MAPKBP1: variants seen among roughly 807,000 people sequenced by gnomAD.
The protein encoded by MAPKBP1 is mitogen-activated protein kinase-binding protein 1.
Under a neutral mutation model 170.5 loss-of-function variants are expected in MAPKBP1, and 71 were observed. The observed-to-expected ratio is 0.42, with a 90% confidence interval of 0.34 to 0.51. The LOEUF (loss-of-function observed/expected upper bound fraction) is 0.51. Ranked by LOEUF, MAPKBP1 falls within the 20% of genes least tolerant of loss-of-function variation. The pLI, the probability that MAPKBP1 is intolerant of heterozygous loss-of-function variation, is 0.06. For synonymous variants in MAPKBP1, 719 were observed against 757.9 expected (o/e 0.95, Z 0.84); for missense variants, 1,598 against 1,933.0 (o/e 0.83, Z 3.25).
intron 2 of MAPKBP1, among the ~76,000 whole-genome samples, chr15:41,786,783 T>A (rs200952026): frequency 0.024 from 1,492 of 61,676 alleles, 69 homozygotes; most frequent in African/African-American, 0.047. Flanking sequence ...AAAAAATATA[T>A]ATATATATAT....
rs1436762043 is a variant in MAPKBP1, at chr15:41,825,304, G to C, written c.4395G>C (p.Val1465=). 3 of 1,613,064 alleles carry C rather than the reference G, an allele frequency of 1.9e-6. No homozygotes were observed. The African/African-American group carries it at 4.0e-5, about 22-fold the overall frequency. Residue 1465 remains valine, a synonymous_variant, in exon 31 of 31, where the codon GTG becomes GTC. Coordinates refer to ENST00000457542, the MANE Select transcript of MAPKBP1 (RefSeq NM_014994.3). ...CAGTGCGACAGGAGCTGGAAGCTGTGGCTGGGGCAGTGCTGTCCAGCCCAG... is the reference window on the plus strand; with the variant it reads ...CAGTGCGACAGGAGCTGGAAGCTGTCGCTGGGGCAGTGCTGTCCAGCCCAG... ...FSSVRQELEA[V]AGAVLSSPGS...
At chr15:41,774,844 C>T in intron 1 of MAPKBP1, 1 of 401,024 alleles carries the variant, frequency 2.5e-6, no homozygotes, top group Non-Finnish European at 4.4e-6. Flanking sequence ...GTCTCGGCGG[C>T]CTCCTCCCTT....
rs758800211 is a variant in MAPKBP1, at chr15:41,775,236, G to A, written c.-40G>A. 7 of 1,542,586 alleles carry A rather than the reference G, an allele frequency of 4.5e-6. No individual in the cohort carries two copies. Among genetic ancestry groups the A allele is most frequent in the Admixed American group, 1.7e-5 (1 of 59,734 alleles). On this transcript the variant is annotated 5_prime_UTR_variant, in exon 2 of 31. Transcript: ENST00000457542. ...AGTGCCGCTGTTGAGACAAGACCCAGGACTGGGCCGGGGACTGTCCCAAAG... is the reference window on the plus strand; with the variant it reads ...AGTGCCGCTGTTGAGACAAGACCCAAGACTGGGCCGGGGACTGTCCCAAAG...
chr15:41,787,364 A>C (rs1161867475), intron 2 of MAPKBP1, among the ~76,000 whole-genome samples: 1 of 104,074 alleles, frequency 9.6e-6, no homozygotes, highest in Non-Finnish European at 2.0e-5. Context: ...ATTTTATTTT[A>C]TTTATTTTTG....
At chr15:41,783,067 A>G (rs976701064) in intron 2 of MAPKBP1, among the ~76,000 whole-genome samples, 1 of 152,208 alleles carries the variant, frequency 6.6e-6, no homozygotes, top group Non-Finnish European at 1.5e-5. Context: ...CCAGATGACC[A>G]GAAGCCACAA....
chr15:41,811,802 T>C (rs2152078413), intron 5 of MAPKBP1, 155 bp from the exon 6 acceptor site: 1 of 773,588 alleles, frequency 1.3e-6, no homozygotes, highest in South Asian at 1.5e-5. Flanking sequence ...CTCAGATCTT[T>C]ATCATATTTC....
rs766553823 is a variant in MAPKBP1 at position 41,822,580 on chromosome 15, C to G, written c.3230-13C>G. ...GTTTTTGCCCCAATTCATGATTTCTCTGACCTTGGTAGGGGCCCCAGTGCA... is the reference window on the plus strand; with the variant it reads ...GTTTTTGCCCCAATTCATGATTTCTGTGACCTTGGTAGGGGCCCCAGTGCA... On this transcript the variant is annotated splice_polypyrimidine_tract_variant and intron_variant, in intron 26 of 30. Transcript: ENST00000457542. 1.2e-6 allele frequency: 2 copies of G among 1,613,516 alleles called. No homozygotes were observed. Among genetic ancestry groups the G allele is most frequent in the South Asian group, 2.2e-5 (2 of 91,060 alleles).
rs763636089 is a variant in MAPKBP1, at chr15:41,818,280, C to T, written c.2067C>T (p.Cys689=). 2.4e-5 allele frequency: 38 copies of T among 1,613,890 alleles called. No individual in the cohort carries two copies. Among genetic ancestry groups the T allele is most frequent in the African/African-American group, 1.5e-4 (11 of 74,904 alleles). Residue 689 remains cysteine (C), a synonymous_variant, in exon 18 of 31, where the codon TGC becomes TGT. Coordinates refer to ENST00000457542, the MANE Select transcript of MAPKBP1 (RefSeq NM_014994.3). The surrounding 1 kb of genome is among the most constrained non-coding windows in gnomAD (Gnocchi z 5.2). ...TTTTTGACTTCTCCTCAGGCGAGTG[C>T]GTGGCCACCATGTTTGGCCACTCAG... ...LSIFDFSSGE[C]VATMFGHSEI... is the part of the protein sequence containing the mutation.
chr15:41,821,563 C>G, intron 23 of MAPKBP1, 21 bp from the exon 24 acceptor site: 1 of 1,609,110 alleles, frequency 6.2e-7, no homozygotes, highest in Non-Finnish European at 8.5e-7. Context: ...GCTCTGTTAA[C>G]ATCCCTTTGT....
Position 41,786,777 on chromosome 15 carries a change from A to AAAAAAAAAAATAT in MAPKBP1, c.114+11389_114+11390insAAAAAAAAATATA. 4.6e-3 allele frequency among the ~76,000 whole-genome samples: 149 copies of AAAAAAAAAAATAT among 32,414 alleles called. 1 individual carries two copies. Among genetic ancestry groups the AAAAAAAAAAATAT allele is most frequent in the Non-Finnish European group, 7.0e-3 (126 of 17,988 alleles). The allele number at this position is 32,414 out of a possible 152,430, so 21.3% of individuals were successfully genotyped here. A position where few individuals can be genotyped will look rare whatever the true frequency, so the allele number is the denominator to read the frequency against. ...CAGACTCCGTCTAAAAAAAAAAAAA[A>AAAAAAAAAAATAT]ATATATATATATATATATATATATA... On this transcript the variant is annotated intron_variant, in intron 2 of 30. Transcript: ENST00000457542.
chr15:41,819,554 G>GGT lies in MAPKBP1; in HGVS notation c.2426-40_2426-39insTG, dbSNP rs1555454076. On this transcript the variant is annotated intron_variant, in intron 21 of 30. Coordinates refer to ENST00000457542, the MANE Select transcript of MAPKBP1 (RefSeq NM_014994.3). The stretch of plus-strand genomic sequence containing the variant: ...GGCTCCAGGGTTGGGTGGCGGGGGG[G>GGT]GGGCAGGAGACACTTCCTCTGACTG... 1.5e-5 allele frequency: 22 copies of GGT among 1,495,356 alleles called. 1 individual carries two copies. The African/African-American group carries it at 2.3e-4, about 15-fold the overall frequency. The allele number at this position is 1,495,356 out of a possible 1,614,324, so 92.6% of individuals were successfully genotyped here.
chr15:41,776,379 A>G (rs2064098380), intron 2 of MAPKBP1, among the ~76,000 whole-genome samples: 1 of 152,210 alleles, frequency 6.6e-6, no homozygotes, highest in Non-Finnish European at 1.5e-5. Context: ...GGGTTCTGGG[A>G]GGACTTAGTT....
chr15:41,781,066 CTT>C (rs5812203), intron 2 of MAPKBP1, among the ~76,000 whole-genome samples: 28 of 144,408 alleles, frequency 1.9e-4, no homozygotes, highest in Admixed American at 3.5e-4. Flanking sequence ...TTTTTTTTTG[CTT>C]TTTTTTTTTT....
chr15:41,799,524 T>C (rs1177379487), intron 2 of MAPKBP1, among the ~76,000 whole-genome samples: 1 of 152,154 alleles, frequency 6.6e-6, no homozygotes, highest in East Asian at 1.9e-4. Context: ...CTTCCTGGTT[T>C]TGGGGAATGC....
intron 2 of MAPKBP1, among the ~76,000 whole-genome samples, chr15:41,786,400 T>A (rs973785766): frequency 9.2e-5 from 14 of 152,184 alleles, no homozygotes; most frequent in Non-Finnish European, 1.6e-4. Flanking sequence ...TATGTAAATC[T>A]AAGATGTTTA....
intron 2 of MAPKBP1, among the ~76,000 whole-genome samples, chr15:41,786,014 T>C (rs1333019599): frequency 6.6e-6 from 1 of 152,222 alleles, no homozygotes; most frequent in Non-Finnish European, 1.5e-5. Flanking sequence ...TTGGTGTACA[T>C]CAATAAGATG....
Position 41,820,878 on chromosome 15 carries a change from C to T in MAPKBP1, c.2528C>T (p.Pro843Leu), listed in dbSNP as rs1250275291. 2 of 1,614,108 alleles carry T rather than the reference C, an allele frequency of 1.2e-6. No homozygotes were observed. The highest frequency in any genetic ancestry group is 1.7e-6 in the Non-Finnish European group (2 of 1,179,980). ...CTGGACCCAGCTCCTGCAGCCAACC[C>T]AGGACCCAGAAGAAGAGGGCGCTGG... ...GFLDPAPAANPGPRRRGRWVQ... is the reference protein window; with the variant it reads ...GFLDPAPAANLGPRRRGRWVQ... The change falls in exon 23 of 31, where the codon CCA becomes CTA. Residue 843 changes from proline (P) to leucine (L), a missense_variant. This residue lies in a region of MAPKBP1 where 942 missense variants were observed against 953.2 expected (regional missense o/e 0.99). Transcript: ENST00000457542.
Position 41,818,081 on chromosome 15 carries a change from T to C in MAPKBP1, c.1977T>C (p.Ile659=), listed in dbSNP as rs2064924132. 1 of 1,613,882 alleles carries C rather than the reference T, an allele frequency of 6.2e-7. No individual in the cohort carries two copies. The highest frequency in any genetic ancestry group is 1.7e-5 in the Admixed American group (1 of 60,006). The change falls in exon 17 of 31, where the codon ATT becomes ATC. Residue 659 remains isoleucine, a synonymous_variant. Transcript: ENST00000457542. This position sits in a 1 kb window ranked among gnomAD's most constrained non-coding sequence, Gnocchi z 5.2. Reference sequence around the variant, plus strand: ...CACAGGGTGAGGACGGCACACTCATTAAGGTAAGGACCCAGAGGGGGTACT... The same window carrying C: ...CACAGGGTGAGGACGGCACACTCATCAAGGTAAGGACCCAGAGGGGGTACT... The part of the protein sequence containing the change: ...KGSQGEDGTL[I]KVQTDPSGIY...
rs2152083047 is a variant in MAPKBP1, at chr15:41,819,781, G to A, written c.2481+131G>A. 1.8e-5 allele frequency: 17 copies of A among 941,916 alleles called. 1 individual carries two copies. The South Asian group carries it at 2.7e-4, about 15-fold the overall frequency. The allele number at this position is 941,916 out of a possible 1,614,324, so 58.3% of individuals were successfully genotyped here. On this transcript the variant is annotated intron_variant, in intron 22 of 30. Transcript: ENST00000457542. ...CCACATGCTGCACTCGTGTGTCCAA[G>A]GAAGGCCTTGTCGGGGAAGTTGAAG...
Sources: allele counts gnomAD v4.1 joint callset (sites outside exome capture counted in the v4.1 genomes callset), GRCh38; gene constraint gnomAD v4.1.1; regional missense constraint gnomAD v4.1.1; non-coding constraint Gnocchi (gnomAD v3.1); transcripts MANE v1.5; gene names NCBI Gene and HGNC (gene_info 2026-07-23, HGNC 2026-07-21).